Variants in FGF12 observed in about 807,000 individuals in gnomAD.
FGF12 encodes the protein fibroblast growth factor 12.
Under a neutral mutation model 23.6 loss-of-function variants are expected in FGF12, and 14 were observed. The observed-to-expected ratio is 0.59, with a 90% CI of 0.39 to 0.93. FGF12 has a LOEUF of 0.93. FGF12 is among the 40% of genes least tolerant of loss of function. The pLI is 0.00. For synonymous variants in FGF12, 62 were observed against 77.3 expected, an observed-to-expected ratio of 0.80 and a Z score of 1.04; for missense variants, 175 against 217.8, an observed-to-expected ratio of 0.80 and a Z score of 1.24.
At chr3:192,352,699 T>G (rs1229589854) in intron 3 of FGF12, among the ~76,000 whole-genome samples, 1 of 152,218 alleles carries the variant, frequency 6.6e-6, no homozygotes, top group African/African-American at 2.4e-5. Context: ...TTCTAGGTAC[T>G]TTTAAGGAAT....
At chr3:192,318,196 T>G (rs1031039349) in intron 4 of FGF12, among the ~76,000 whole-genome samples, 1 of 152,072 alleles carries the variant, frequency 6.6e-6, no homozygotes, top group African/African-American at 2.4e-5. Context: ...CAGACACTGA[T>G]GAACAGCCGC....
At chr3:192,393,634 A>G (rs1417447595) in intron 2 of FGF12, among the ~76,000 whole-genome samples, 1 of 152,184 alleles carries the variant, frequency 6.6e-6, no homozygotes, top group East Asian at 1.9e-4. Flanking sequence ...AAAAAAGAAA[A>G]AGGTCAAATA....
intron 4 of FGF12, among the ~76,000 whole-genome samples, chr3:192,175,099 A>G (rs2108625472): frequency 6.6e-6 from 1 of 152,320 alleles, no homozygotes; most frequent in South Asian, 2.1e-4. Context: ...CTTTTGGTAA[A>G]GACTTAGACA....
chr3:192,179,234 T>G (rs930386456), intron 4 of FGF12, among the ~76,000 whole-genome samples: 1 of 152,206 alleles, frequency 6.6e-6, no homozygotes. Context: ...AAAACAACTC[T>G]GCAGATACGG....
chr3:192,381,261 T>C (rs540760623), intron 2 of FGF12, among the ~76,000 whole-genome samples: 1 of 152,270 alleles, frequency 6.6e-6, no homozygotes, highest in East Asian at 1.9e-4. Context: ...AAGACTTTGT[T>C]AATACTGATA....
intron 4 of FGF12, among the ~76,000 whole-genome samples, chr3:192,272,135 G>A (rs942726751): frequency 3.9e-5 from 6 of 152,082 alleles, no homozygotes; most frequent in Admixed American, 6.6e-5. Flanking sequence ...TTAATGGCCC[G>A]AGTTCCTTGG....
intron 2 of FGF12, among the ~76,000 whole-genome samples, chr3:192,692,547 A>G (rs1717975358): frequency 6.6e-6 from 1 of 152,036 alleles, no homozygotes. Context: ...TCTACTAAAA[A>G]TACAAAAATT....
intron 4 of FGF12, among the ~76,000 whole-genome samples, chr3:192,277,856 G>A (rs900910464): frequency 4.6e-5 from 7 of 152,130 alleles, no homozygotes; most frequent in African/African-American, 9.7e-5. Flanking sequence ...TTCACCTCCC[G>A]GGTTCAAGCG....
intron 4 of FGF12, among the ~76,000 whole-genome samples, chr3:192,186,561 A>G (rs1286583578): frequency 1.3e-5 from 2 of 152,204 alleles, no homozygotes; most frequent in Non-Finnish European, 1.5e-5. Context: ...TCTTCAGATC[A>G]TCAACTACAA....
chr3:192,298,557 A>G (rs1715168415), intron 4 of FGF12, among the ~76,000 whole-genome samples: 1 of 152,208 alleles, frequency 6.6e-6, no homozygotes, highest in African/African-American at 2.4e-5. Flanking sequence ...GTTCAAGACC[A>G]GCCGGGCCAA....
At chr3:192,613,742 C>T (rs1216308333) in intron 2 of FGF12, among the ~76,000 whole-genome samples, 1 of 151,898 alleles carries the variant, frequency 6.6e-6, no homozygotes, top group Non-Finnish European at 1.5e-5. Context: ...AGACACATTC[C>T]TACTTACACT....
intron 2 of FGF12, among the ~76,000 whole-genome samples, chr3:192,714,686 T>TTA (rs1206116317): frequency 6.6e-6 from 1 of 151,770 alleles, no homozygotes; most frequent in African/African-American, 2.4e-5. Context: ...GTCCGGCTAA[T>TTA]TTTTTGTATT....
At chr3:192,396,544 AC>A (rs1194987574) in intron 2 of FGF12, among the ~76,000 whole-genome samples, 3 of 152,158 alleles carry the variant, frequency 2.0e-5, no homozygotes, top group African/African-American at 7.2e-5. Context: ...ATGACCTAAC[AC>A]CCACTATGAG....
intron 4 of FGF12, among the ~76,000 whole-genome samples, chr3:192,176,220 C>T (rs1166849664): frequency 6.6e-6 from 1 of 152,224 alleles, no homozygotes; most frequent in East Asian, 1.9e-4. Context: ...GTGCTTTGCT[C>T]AAGCTGTTCT....
intron 5 of FGF12, among the ~76,000 whole-genome samples, chr3:192,154,857 C>T (rs371070383): frequency 2.5e-4 from 35 of 142,452 alleles, no homozygotes; most frequent in Admixed American, 1.9e-3. Context: ...TCGAGCTTCC[C>T]GGCTGCTTTG....
At chr3:192,589,311 G>A (rs1301658129) in intron 2 of FGF12, among the ~76,000 whole-genome samples, 2 of 148,100 alleles carry the variant, frequency 1.4e-5, no homozygotes, top group African/African-American at 5.0e-5. Flanking sequence ...CTCCAGCCTG[G>A]TGACAGAGTG....
chr3:192,364,472 T>C (rs1718882577), intron 2 of FGF12, among the ~76,000 whole-genome samples: 1 of 152,292 alleles, frequency 6.6e-6, no homozygotes, highest in East Asian at 1.9e-4. Flanking sequence ...GAAATCCATT[T>C]CCTCTTTTTT....
intron 2 of FGF12, among the ~76,000 whole-genome samples, chr3:192,396,924 G>A (rs1481844746): frequency 6.6e-6 from 1 of 152,168 alleles, no homozygotes; most frequent in Non-Finnish European, 1.5e-5. Context: ...TCAGGACCAA[G>A]GAACCTCCAT....
intron 2 of FGF12, among the ~76,000 whole-genome samples, chr3:192,375,834 A>G (rs1719466465): frequency 6.6e-6 from 1 of 151,568 alleles, no homozygotes; most frequent in South Asian, 2.1e-4. Context: ...TTCCCTCAGC[A>G]TTCTGGAAAA....
Sources: gnomAD v4.1 joint callset for allele counts (sites outside exome capture counted in the v4.1 genomes callset) on GRCh38, gnomAD v4.1.1 for gene constraint, MANE v1.5 for transcripts, NCBI Gene and HGNC (gene_info 2026-07-23, HGNC 2026-07-21) for gene names.